The following WNK1 variants were observed in gnomAD, a reference collection of about 807,000 sequenced individuals.
The protein encoded by WNK1 is WNK lysine deficient protein kinase 1.
A neutral mutation model predicts 222.8 loss-of-function variants in WNK1; 38 were observed. The ratio of observed to expected loss-of-function variants is 0.17; its 90% CI spans 0.13 to 0.22. The LOEUF is 0.22. Ranked by LOEUF, WNK1 falls within the 10% of genes least tolerant of loss-of-function variation. The pLI, the probability that WNK1 is intolerant of heterozygous loss-of-function variation, is 1.00. For missense variants in WNK1, 2,348 were observed against 2,918.4 expected (o/e 0.80, Z 4.50); for synonymous variants, 1,090 against 1,092.9 (o/e 1.00, Z 0.05).
chr12:765,859 T>C (rs1468881809), intron 1 of WNK1, among the ~76,000 whole-genome samples: 1 of 152,212 alleles, frequency 6.6e-6, no homozygotes, highest in Non-Finnish European at 1.5e-5. Context: ...GAGTGTTGTT[T>C]TTAGAACTGA....
At chr12:797,557 C>T (rs1212423635) in intron 1 of WNK1, among the ~76,000 whole-genome samples, 1 of 152,144 alleles carries the variant, frequency 6.6e-6, no homozygotes, top group Non-Finnish European at 1.5e-5. Context: ...TTTAGGTATT[C>T]TACCTATGCC....
At chr12:896,939 C>CGA (rs144552913) in intron 24 of WNK1, among the ~76,000 whole-genome samples, 13 of 117,388 alleles carry the variant, frequency 1.1e-4, no homozygotes, top group African/African-American at 4.0e-4. Flanking sequence ...CACACACACA[C>CGA]GATTCCCAAC....
At chr12:765,298 A>G (rs1041751404) in intron 1 of WNK1, among the ~76,000 whole-genome samples, 26 of 147,618 alleles carry the variant, frequency 1.8e-4, no homozygotes, top group African/African-American at 6.1e-4. Context: ...CTGTAATCTC[A>G]ATACTTTGGA....
At position 896,637 on chromosome 12, in the gene WNK1, T is replaced by C. The variant is rs151331381; in HGVS notation, c.6150T>C (p.Leu2050=). 1.6e-3 allele frequency: 2,650 copies of C among 1,608,302 alleles called. 3 individuals are homozygous for C. The highest frequency in any genetic ancestry group is 3.3e-3 in the Middle Eastern group (20 of 6,024). Residue 2050 remains leucine, a synonymous_variant, in exon 24 of 28, where the codon CTT becomes CTC. Coordinates refer to ENST00000315939, the MANE Select transcript of WNK1 (RefSeq NM_018979.4). ...CTAGCCAGAATCTAAGTCAAAGCCT[T>C]AGTAATTCATTTAACTCCTCTTACA... ...SLPSQNLSQS[L]SNSFNSSYMS... is the part of the protein sequence containing the mutation.
intron 1 of WNK1, among the ~76,000 whole-genome samples, chr12:756,407 C>G (rs780321069): frequency 6.6e-6 from 1 of 152,140 alleles, no homozygotes; most frequent in East Asian, 1.9e-4. Context: ...TCTTAGAACT[C>G]GTAACTTTTT....
Position 884,249 on chromosome 12 carries a change from G to T in WNK1, c.3844+6G>T. 6.2e-7 allele frequency: 1 copy of T among 1,613,942 alleles called. No homozygotes were observed. The highest frequency in any genetic ancestry group is 8.5e-7 in the Non-Finnish European group (1 of 1,179,928). On this transcript the variant is annotated splice_donor_region_variant and intron_variant, in intron 18 of 27. Coordinates refer to ENST00000315939, the MANE Select transcript of WNK1 (RefSeq NM_018979.4). This position sits in a 1 kb window ranked among gnomAD's most constrained non-coding sequence, Gnocchi z 5.6. ...CAGTGAAATAACAGATACAGGTAAG[G>T]GATTGATTCTGCCACATTGTTATGT...
At chr12:866,480 A>G (rs1377856180) in intron 8 of WNK1, among the ~76,000 whole-genome samples, 2 of 152,160 alleles carry the variant, frequency 1.3e-5, no homozygotes, top group Non-Finnish European at 2.9e-5. Flanking sequence ...CTCCTGCCTC[A>G]GCCTCCCGAG....
chr12:831,385 A>C (rs1948779642), intron 4 of WNK1, among the ~76,000 whole-genome samples: 1 of 152,088 alleles, frequency 6.6e-6, no homozygotes, highest in South Asian at 2.1e-4. Flanking sequence ...TAAAAATACA[A>C]AAATTAGCCA....
rs747825454 is a variant in WNK1 at position 861,259 on chromosome 12, G to A, written c.1867G>A (p.Val623Ile). 3 of 1,614,068 alleles carry A rather than the reference G, an allele frequency of 1.9e-6. No individual in the cohort carries two copies. Among genetic ancestry groups the A allele is most frequent in the East Asian group, 4.5e-5 (2 of 44,890 alleles). ...TACTGCTTCTACCACTTCAGCTTCA[G>A]TTTCTACACAAGTAGAACCTGAAGA... The part of the protein sequence containing the change: ...IPTASTTSAS[V>I]STQVEPEEPE... Residue 623 changes from valine (V) to isoleucine (I), a missense_variant, in exon 7 of 28, where the codon GTT (valine) becomes ATT (isoleucine). Val to Ile is a conservative substitution (Grantham distance 29). Transcript: ENST00000315939.
At chr12:866,849 C>A (rs1161585420) in intron 8 of WNK1, among the ~76,000 whole-genome samples, 2 of 152,100 alleles carry the variant, frequency 1.3e-5, no homozygotes, top group African/African-American at 4.8e-5. Flanking sequence ...TACGGCCGGG[C>A]TCAGTGGCTC....
rs1555160410 is a variant in WNK1 at position 900,019 on chromosome 12, T to TTC, written c.6449-456_6449-455insCT. On this transcript the variant is annotated intron_variant, in intron 25 of 27. Transcript: ENST00000315939. Reference sequence around the variant, plus strand: ...CCTATTACCTATGGATTCTTTTCTTTTTTTTTTTTTTTTTTTGAGTGCAGT... The same window carrying TTC: ...CCTATTACCTATGGATTCTTTTCTTTTCTTTTTTTTTTTTTTTTGAGTGCAGT... Among the ~76,000 whole-genome samples the TTC allele has an allele frequency of 2.2e-5, 3 of 133,566 alleles. No individual in the cohort carries two copies. The South Asian group carries it at 7.9e-4, about 35-fold the overall frequency. The allele number at this position is 133,566 out of a possible 152,430, so 87.6% of individuals were successfully genotyped here. A position where few individuals can be genotyped will look rare whatever the true frequency, so the allele number is the denominator to read the frequency against.
At chr12:905,024 T>G (rs1955580991) in intron 26 of WNK1, among the ~76,000 whole-genome samples, 1 of 152,162 alleles carries the variant, frequency 6.6e-6, no homozygotes, top group Non-Finnish European at 1.5e-5. Context: ...CTTGGGATGT[T>G]GGGCTGTAAG....
At chr12:776,295 A>G (rs559999376) in intron 1 of WNK1, among the ~76,000 whole-genome samples, 2 of 152,086 alleles carry the variant, frequency 1.3e-5, no homozygotes, top group East Asian at 1.9e-4. Flanking sequence ...CAGCCTCCCA[A>G]CGTGCTGGGA....
intron 10 of WNK1, 60 bp from the exon 11 acceptor site, chr12:879,513 C>CTTTTTTTTTTTTTTTTT: frequency 2.5e-6 from 1 of 403,028 alleles, no homozygotes; most frequent in Non-Finnish European, 3.6e-6. Flanking sequence ...GGCAGCCTTG[C>CTTTTTTTTTTTTTTTTT]TTTTTTTTTT....
Position 827,917 on chromosome 12 carries a change from AATTTAT to A in WNK1, c.1153+661_1153+666del, listed in dbSNP as rs1948486067. ...GTATGTCACTTCATGAAAGAAATGG[AATTTAT>A]ATTTAGTTTTACTTTCTAAAATTAA... is the stretch of plus-strand genomic sequence containing the variant. On this transcript the variant is annotated intron_variant, in intron 3 of 27. Coordinates refer to ENST00000315939, the MANE Select transcript of WNK1 (RefSeq NM_018979.4). The surrounding 1 kb of genome is among the most constrained non-coding windows in gnomAD (Gnocchi z 4.6). Among the ~76,000 whole-genome samples the A allele has an allele frequency of 6.6e-6, 1 of 152,158 alleles. No homozygotes were observed. Among genetic ancestry groups the A allele is most frequent in the South Asian group, 2.1e-4 (1 of 4,836 alleles).
intron 1 of WNK1, among the ~76,000 whole-genome samples, chr12:800,049 C>T (rs991691405): frequency 2.6e-5 from 4 of 152,080 alleles, no homozygotes; most frequent in Non-Finnish European, 5.9e-5. Flanking sequence ...GAGGCTGAGA[C>T]GGTAGGATTG....
At chr12:833,227 C>A (rs973816538) in intron 4 of WNK1, among the ~76,000 whole-genome samples, 3 of 152,220 alleles carry the variant, frequency 2.0e-5, no homozygotes, top group Non-Finnish European at 4.4e-5. Context: ...GATTTCACAT[C>A]TTCCTTACTG....
rs892106963 is a variant in WNK1, at chr12:857,062, A to T, written c.1312-99A>T. ...CAGGCGAGTCAGAAAAAAAGCCGGG[A>T]TAGTAAGAAAGGAACCTAAAAGAAC... On this transcript the variant is annotated intron_variant, in intron 4 of 27. Coordinates refer to ENST00000315939, the MANE Select transcript of WNK1 (RefSeq NM_018979.4). 1.5e-5 allele frequency: 19 copies of T among 1,260,394 alleles called. 1 individual carries two copies. In the South Asian group the frequency reaches 2.4e-4, roughly 16 times the overall value. The allele number at this position is 1,260,394 out of a possible 1,614,324, so 78.1% of individuals were successfully genotyped here. A position where few individuals can be genotyped will look rare whatever the true frequency, so the allele number is the denominator to read the frequency against.
chr12:906,843 T>C, intron 26 of WNK1: 1 of 693,474 alleles, frequency 1.4e-6, no homozygotes. Flanking sequence ...AGTTCATGAC[T>C]AAGCAACATA....
Sources: gnomAD v4.1 joint callset for allele counts (sites outside exome capture counted in the v4.1 genomes callset) on GRCh38, gnomAD v4.1.1 for gene constraint, Gnocchi (gnomAD v3.1) non-coding constraint, MANE v1.5 for transcripts, NCBI Gene and HGNC (gene_info 2026-07-23, HGNC 2026-07-21) for gene names.